The following AEBP1 variants were observed in gnomAD, a reference collection of about 807,000 sequenced individuals.
The protein encoded by AEBP1 is adipocyte enhancer-binding protein 1.
AEBP1 carries 69 observed loss-of-function variants against 116.5 expected under a neutral mutation model. The ratio of observed to expected loss-of-function variants is 0.59; its 90% CI spans 0.49 to 0.72. The LOEUF (loss-of-function observed/expected upper bound fraction) is 0.72, where lower values mean the gene tolerates loss of function less well. AEBP1 is among the 30% of genes least tolerant of loss of function. AEBP1 has a pLI of 0.00. For missense variants in AEBP1, 1,444 were observed against 1,557.5 expected, an observed-to-expected ratio of 0.93 and a Z score of 1.23; for synonymous variants, 627 against 627.3, an observed-to-expected ratio of 1.00 and a Z score of 0.01.
In AEBP1 at chr7:44,104,650, C is replaced by G. The variant is rs1441482110; in HGVS notation, c.-16C>G. The G allele has an allele frequency of 4.8e-6, 7 of 1,445,242 alleles. No homozygotes were observed. 89.5% of individuals were successfully genotyped at this position (1,445,242 alleles called of 1,614,324 possible). On this transcript the variant is annotated 5_prime_UTR_variant, in exon 1 of 21. Transcript: ENST00000223357. Reference sequence around the variant, plus strand: ...CCCCCGCGCCCTCCCCGGAGCCCCCCGCGCGTGCCGCGGCCATGGCGGCCG... The same window carrying G: ...CCCCCGCGCCCTCCCCGGAGCCCCCGGCGCGTGCCGCGGCCATGGCGGCCG...
In AEBP1 at chr7:44,113,612, G is replaced by C; in HGVS notation, c.2828G>C (p.Trp943Ser). Residue 943 changes from tryptophan to serine, a missense_variant, in exon 21 of 21, where the codon TGG (tryptophan) becomes TCG (serine). Trp to Ser is a radical substitution (Grantham distance 177). Coordinates refer to ENST00000223357, the MANE Select transcript of AEBP1 (RefSeq NM_001129.5). The surrounding 1 kb of genome is among the most constrained non-coding windows in gnomAD (Gnocchi z 5.3). ...GVKTASGGDY[W>S]RILNPGEYRV... ...TCCGCAGCCAGTGGTGGTGATTACT[G>C]GCGAATCTTGAACCCGGGTGAGTAC... The C allele has an allele frequency of 6.2e-7, 1 of 1,612,094 alleles. No homozygotes were observed. The highest frequency in any genetic ancestry group is 8.5e-7 in the Non-Finnish European group (1 of 1,179,684).
In AEBP1 at chr7:44,108,130, G is replaced by A; in HGVS notation, c.940+46G>A. The A allele has an allele frequency of 6.5e-7, 1 of 1,544,140 alleles. No individual in the cohort carries two copies. Among genetic ancestry groups the A allele is most frequent in the Non-Finnish European group, 8.8e-7 (1 of 1,140,914 alleles). On this transcript the variant is annotated intron_variant, in intron 6 of 20. Coordinates refer to ENST00000223357, the MANE Select transcript of AEBP1 (RefSeq NM_001129.5). The surrounding 1 kb of genome is among the most constrained non-coding windows in gnomAD (Gnocchi z 5.0). ...AGTCTGAGGGACATAGGCAGGTGGG[G>A]GTCGGGGCTGGGGTGTGGTCAGGAG...
intron 8 of AEBP1, 45 bp downstream of exon 8, chr7:44,109,229 C>T: frequency 6.2e-7 from 1 of 1,612,466 alleles, no homozygotes; most frequent in East Asian, 2.2e-5. Flanking sequence ...GGGGCAGCAT[C>T]TGGACTCCTG....
rs1301699666 is a variant in AEBP1 at position 44,110,222 on chromosome 7, G to A, written c.1276G>A (p.Asp426Asn). Residue 426 changes from aspartate to asparagine, a missense_variant, in exon 11 of 21, where the codon GAC (aspartate) becomes AAC (asparagine). Physicochemically the swap from Asp to Asn is conservative, Grantham distance 23. Coordinates refer to ENST00000223357, the MANE Select transcript of AEBP1 (RefSeq NM_001129.5). Reference sequence around the variant, plus strand: ...CCCTGGACAGACCGGTGCCACTGAGGACGACTACTATGATGGTGCGTGGTG... The same window carrying A: ...CCCTGGACAGACCGGTGCCACTGAGAACGACTACTATGATGGTGCGTGGTG... ...RLNMQTGATEDDYYDGAWCAE... is the reference protein window; with the variant it reads ...RLNMQTGATENDYYDGAWCAE... 3 of 1,613,592 alleles carry A rather than the reference G, an allele frequency of 1.9e-6. No individual in the cohort carries two copies. The highest frequency in any genetic ancestry group is 1.3e-5 in the African/African-American group (1 of 74,928).
rs943577767 is a variant in AEBP1, at chr7:44,106,379, C to T, written c.254-167C>T. ...GACTTGCAGACAGAAAATCTGGGTCCGGATCCCAGTTTGCCACTTGGGCAA... is the reference window on the plus strand; with the variant it reads ...GACTTGCAGACAGAAAATCTGGGTCTGGATCCCAGTTTGCCACTTGGGCAA... On this transcript the variant is annotated intron_variant, in intron 1 of 20. Transcript: ENST00000223357. 3.6e-5 allele frequency: 29 copies of T among 806,740 alleles called. No individual in the cohort carries two copies. In the East Asian group the frequency reaches 4.0e-4, roughly 11 times the overall value. 50.0% of individuals were successfully genotyped at this position (806,740 alleles called of 1,614,324 possible).
intron 9 of AEBP1, 39 bp downstream of exon 9, chr7:44,109,380 A>G (rs755209330): frequency 7.5e-6 from 9 of 1,192,966 alleles, no homozygotes; most frequent in African/African-American, 4.6e-5. Context: ...TGGGGGCCAC[A>G]GGATGGGGGT....
chr7:44,109,827 T>C, intron 9 of AEBP1, 188 bp from the exon 10 acceptor site: 2 of 611,336 alleles, frequency 3.3e-6, no homozygotes, highest in South Asian at 4.0e-5. Flanking sequence ...TGGAAACAGC[T>C]CCTGGCCTGG....
At position 44,107,848 on chromosome 7, in the gene AEBP1, C is replaced by A. The variant is rs1308710829; in HGVS notation, c.779C>A (p.Pro260Gln). ...IRRQKQPRPPPSRRRRPERVW... is the reference protein window; with the variant it reads ...IRRQKQPRPPQSRRRRPERVW... ...CGCCAGAAGCAACCCAGGCCACCCCCAAGCAGAAGGAGGAGGCCCGAGCGG... is the reference window on the plus strand; with the variant it reads ...CGCCAGAAGCAACCCAGGCCACCCCAAAGCAGAAGGAGGAGGCCCGAGCGG... Residue 260 changes from proline (P) to glutamine (Q), a missense_variant, in exon 5 of 21, where the codon CCA becomes CAA. Pro to Gln is a moderately conservative substitution (Grantham distance 76). Transcript: ENST00000223357. The surrounding 1 kb of genome is among the most constrained non-coding windows in gnomAD (Gnocchi z 4.3). 2 of 1,611,038 alleles carry A rather than the reference C, an allele frequency of 1.2e-6. No homozygotes were observed. The highest frequency in any genetic ancestry group is 1.7e-6 in the Non-Finnish European group (2 of 1,179,268).
At position 44,107,371 on chromosome 7, in the gene AEBP1, G is replaced by A; in HGVS notation, c.596-68G>A. ...GTGTGGGCTCTATGGGTGGCTGGTG[G>A]CCTGAGGCTCCCAAGGTGGTCAGAG... On this transcript the variant is annotated intron_variant, in intron 2 of 20. Coordinates refer to ENST00000223357, the MANE Select transcript of AEBP1 (RefSeq NM_001129.5). This position sits in a 1 kb window ranked among gnomAD's most constrained non-coding sequence, Gnocchi z 4.3. The A allele has an allele frequency of 6.6e-7, 1 of 1,513,884 alleles. No homozygotes were observed. The highest frequency in any genetic ancestry group is 1.7e-5 in the Admixed American group (1 of 59,600). The allele number at this position is 1,513,884 out of a possible 1,614,324, so 93.8% of individuals were successfully genotyped here. A position where few individuals can be genotyped will look rare whatever the true frequency, so the allele number is the denominator to read the frequency against.
In AEBP1 at chr7:44,107,723, C is replaced by T. The variant is rs767627263; in HGVS notation, c.739+23C>T. On this transcript the variant is annotated intron_variant, in intron 4 of 20. Transcript: ENST00000223357. The surrounding 1 kb of genome is among the most constrained non-coding windows in gnomAD (Gnocchi z 4.3). ...ACTGTGAGTAGGGTCCTGCCAGCCC[C>T]ACCTGGGTCGGACCCCTGGCCTGGG... The T allele has an allele frequency of 1.2e-6, 2 of 1,613,390 alleles. No individual in the cohort carries two copies. The highest frequency in any genetic ancestry group is 4.5e-5 in the East Asian group (2 of 44,846).
Position 44,106,769 on chromosome 7 carries a change from G to A in AEBP1, c.477G>A (p.Lys159=), listed in dbSNP as rs1482941165. 1 of 1,612,510 alleles carries A rather than the reference G, an allele frequency of 6.2e-7. No homozygotes were observed. Among genetic ancestry groups the A allele is most frequent in the Non-Finnish European group, 8.5e-7 (1 of 1,179,656 alleles). ...ATKKPKEKPP[K]ATKKPPSGKR... is the part of the protein sequence containing the mutation. ...AGAAGCCCAAAGAGAAGCCACCCAA[G>A]GCCACCAAGAAGCCCCCGTCAGGGA... is the stretch of plus-strand genomic sequence containing the variant. Residue 159 remains lysine (K), a synonymous_variant, in exon 2 of 21, where the codon AAG becomes AAA. Coordinates refer to ENST00000223357, the MANE Select transcript of AEBP1 (RefSeq NM_001129.5).
Position 44,108,130 on chromosome 7 carries a change from G to C in AEBP1, c.940+46G>C, listed in dbSNP as rs1350710272. On this transcript the variant is annotated intron_variant, in intron 6 of 20. Coordinates refer to ENST00000223357, the MANE Select transcript of AEBP1 (RefSeq NM_001129.5). This position sits in a 1 kb window ranked among gnomAD's most constrained non-coding sequence, Gnocchi z 5.0. ...AGTCTGAGGGACATAGGCAGGTGGG[G>C]GTCGGGGCTGGGGTGTGGTCAGGAG... 1 of 1,544,140 alleles carries C rather than the reference G, an allele frequency of 6.5e-7. No individual in the cohort carries two copies.
rs773539310 is a variant in AEBP1 at position 44,108,078 on chromosome 7, G to T, written c.934G>T (p.Asp312Tyr). ...YGDGYVIPNY[D>Y]DMDYYFGPPP... Reference sequence around the variant, plus strand: ...TGATGGTTACGTGATCCCCAACTACGATGACAGTGAGTACCCAGCACCCCA... The same window carrying T: ...TGATGGTTACGTGATCCCCAACTACTATGACAGTGAGTACCCAGCACCCCA... The change falls in exon 6 of 21, where the codon GAT becomes TAT. Residue 312 changes from aspartate to tyrosine, a missense_variant. Asp to Tyr is a radical substitution (Grantham distance 160, BLOSUM62 -3). Coordinates refer to ENST00000223357, the MANE Select transcript of AEBP1 (RefSeq NM_001129.5). The surrounding 1 kb of genome is among the most constrained non-coding windows in gnomAD (Gnocchi z 5.0). The T allele has an allele frequency of 1.6e-5, 25 of 1,599,578 alleles. No individual in the cohort carries two copies. The highest frequency in any genetic ancestry group is 2.1e-5 in the Non-Finnish European group (25 of 1,174,404).
At position 44,107,445 on chromosome 7, in the gene AEBP1, C is replaced by G. The variant is rs369661351; in HGVS notation, c.602C>G (p.Pro201Arg). Residue 201 changes from proline (P) to arginine (R), a missense_variant, in exon 3 of 21, where the codon CCC becomes CGC. By Grantham distance (103) the Pro-to-Arg change is moderately radical. Coordinates refer to ENST00000223357, the MANE Select transcript of AEBP1 (RefSeq NM_001129.5). This position sits in a 1 kb window ranked among gnomAD's most constrained non-coding sequence, Gnocchi z 4.3. ...TGGAACTCCTGTGTTGCAGGGGCGC[C>G]CCTCTCAAATAACTGGCAGAATCCA... ...PEELPQEGGA[P>R]LSNNWQNPGE... The G allele has an allele frequency of 1.1e-5, 18 of 1,613,174 alleles. 1 individual carries two copies. The highest frequency in any genetic ancestry group is 1.5e-5 in the Non-Finnish European group (18 of 1,179,998).
chr7:44,105,008 T>G (rs537602217), intron 1 of AEBP1, 90 bp downstream of exon 1: 6 of 1,096,150 alleles, frequency 5.5e-6, no homozygotes, highest in East Asian at 5.2e-5. Context: ...CTCCCCAGTC[T>G]GCTAGGGGAG....
chr7:44,112,210 C>A lies in AEBP1; in HGVS notation c.2106C>A (p.Phe702Leu). 1 of 1,609,502 alleles carries A rather than the reference C, an allele frequency of 6.2e-7. No homozygotes were observed. Among genetic ancestry groups the A allele is most frequent in the Non-Finnish European group, 8.5e-7 (1 of 1,176,368 alleles). Residue 702 changes from phenylalanine (F) to leucine (L), a missense_variant, in exon 17 of 21, where the codon TTC (phenylalanine) becomes TTA (leucine). By Grantham distance (22) the Phe-to-Leu change is conservative. Coordinates refer to ENST00000223357, the MANE Select transcript of AEBP1 (RefSeq NM_001129.5). This position sits in a 1 kb window ranked among gnomAD's most constrained non-coding sequence, Gnocchi z 6.6. ...TEEGFDIFEDFPDLNSVLWGA... is the reference protein window; with the variant it reads ...TEEGFDIFEDLPDLNSVLWGA... ...AGGGCTTTGACATCTTTGAAGATTT[C>A]CCGGATCTCAACTCTGTGCTCTGGG...
rs1030193768 is a variant in AEBP1 at position 44,111,290 on chromosome 7, G to C, written c.1716+51G>C. 3 of 1,472,152 alleles carry C rather than the reference G, an allele frequency of 2.0e-6. No individual in the cohort carries two copies. The highest frequency in any genetic ancestry group is 2.8e-5 in the African/African-American group (2 of 70,596). The allele number at this position is 1,472,152 out of a possible 1,614,324, so 91.2% of individuals were successfully genotyped here. On this transcript the variant is annotated intron_variant, in intron 14 of 20. Transcript: ENST00000223357. The surrounding 1 kb of genome is among the most constrained non-coding windows in gnomAD (Gnocchi z 4.7). The stretch of plus-strand genomic sequence containing the variant: ...GGGGTGGGACCTGTCTGTGGCTGAC[G>C]GGAGTGTGTGCCTGGTGCTTCTGTC...
chr7:44,111,862 G>A lies in AEBP1; in HGVS notation c.1849G>A (p.Glu617Lys), dbSNP rs906171089. The A allele has an allele frequency of 3.1e-6, 5 of 1,612,724 alleles. No individual in the cohort carries two copies. In the Admixed American group the frequency reaches 5.0e-5, roughly 16 times the overall value. Residue 617 changes from glutamate (E) to lysine (K), a missense_variant, in exon 16 of 21, where the codon GAG (glutamate) becomes AAG (lysine). Glu to Lys is a moderately conservative substitution (Grantham distance 56). Coordinates refer to ENST00000223357, the MANE Select transcript of AEBP1 (RefSeq NM_001129.5). This position sits in a 1 kb window ranked among gnomAD's most constrained non-coding sequence, Gnocchi z 4.7. The part of the protein sequence containing the change: ...NPGEHELGEP[E>K]FRYTAGIHGN... ...GGCTCCCGCCCTTGCAGGGGAGCCC[G>A]AGTTCCGCTACACTGCTGGGATCCA...
Position 44,108,223 on chromosome 7 carries a change from T to C in AEBP1, c.940+139T>C. 1 of 808,986 alleles carries C rather than the reference T, an allele frequency of 1.2e-6. No homozygotes were observed. The highest frequency in any genetic ancestry group is 2.0e-6 in the Non-Finnish European group (1 of 493,754). The allele number at this position is 808,986 out of a possible 1,614,324, so 50.1% of individuals were successfully genotyped here. Reference sequence around the variant, plus strand: ...CGTGGTTACCTCGCTGTCCCTGCTGTCCCTGCGTGCCCACCCCAGCCACTG... The same window carrying C: ...CGTGGTTACCTCGCTGTCCCTGCTGCCCCTGCGTGCCCACCCCAGCCACTG... On this transcript the variant is annotated intron_variant, in intron 6 of 20. Transcript: ENST00000223357. The surrounding 1 kb of genome is among the most constrained non-coding windows in gnomAD (Gnocchi z 5.0).
Sources: gnomAD v4.1 joint callset for allele counts on GRCh38, gnomAD v4.1.1 for gene constraint, Gnocchi (gnomAD v3.1) non-coding constraint, MANE v1.5 for transcripts, NCBI Gene and HGNC (gene_info 2026-07-23, HGNC 2026-07-21) for gene names.